Variants in CCDC25 observed in about 807,000 individuals in gnomAD.
CCDC25 encodes the protein coiled-coil domain-containing protein 25.
Under a neutral mutation model 35.3 loss-of-function variants are expected in CCDC25, and 16 were observed. That is an observed-to-expected ratio of 0.45 (90% CI 0.31 to 0.69). The LOEUF is 0.69. CCDC25 is among the 30% of genes least tolerant of loss of function. The pLI, the probability that CCDC25 is intolerant of heterozygous loss-of-function variation, is 0.06. For synonymous variants in CCDC25, 79 were observed against 80.3 expected (o/e 0.98, Z 0.09); for missense variants, 179 against 250.7 (o/e 0.71, Z 1.93).
intron 1 of CCDC25, among the ~76,000 whole-genome samples, chr8:27,770,369 G>A (rs1358183656): frequency 2.6e-5 from 4 of 152,198 alleles, no homozygotes; most frequent in African/African-American, 7.2e-5. Flanking sequence ...GGAGGTTGCA[G>A]TAAGCTGAGA....
intron 7 of CCDC25, among the ~76,000 whole-genome samples, chr8:27,745,546 A>G (rs60157355): frequency 3.3e-5 from 5 of 152,258 alleles, no homozygotes; most frequent in African/African-American, 4.8e-5. Context: ...AGATTTCTAT[A>G]TCTTGGGTGG....
At chr8:27,771,395 T>C (rs900884265) in intron 1 of CCDC25, among the ~76,000 whole-genome samples, 1 of 152,174 alleles carries the variant, frequency 6.6e-6, no homozygotes, top group Admixed American at 6.5e-5. Flanking sequence ...GTATTCCCTA[T>C]ATATGTATAC....
rs541832833 is a variant in CCDC25 at position 27,759,220 on chromosome 8, G to A, written c.117-2450C>T. Among the ~76,000 whole-genome samples the A allele has an allele frequency of 4.0e-4, 61 of 152,318 alleles. No homozygotes were observed. The South Asian group carries it at 0.012, about 29-fold the overall frequency. ...AGATTCAGGGCCCTGGAGCTGGGCT[G>A]TCCAACGACTTAAAGCAGAGTCTGT... On this transcript the variant is annotated intron_variant, in intron 3 of 8. Coordinates refer to ENST00000356537, the MANE Select transcript of CCDC25 (RefSeq NM_018246.3).
At chr8:27,745,941 A>G (rs181231553) in intron 7 of CCDC25, among the ~76,000 whole-genome samples, 1 of 152,358 alleles carries the variant, frequency 6.6e-6, no homozygotes, top group Non-Finnish European at 1.5e-5. Flanking sequence ...CTTATTCAAT[A>G]AGATTGAGTT....
chr8:27,765,910 T>G (rs980256186), intron 1 of CCDC25, among the ~76,000 whole-genome samples: 12 of 152,198 alleles, frequency 7.9e-5, no homozygotes, highest in African/African-American at 2.9e-4. Flanking sequence ...GCATCTGTGT[T>G]TTCTAAAAGC....
chr8:27,746,518 T>G (rs1486219597), intron 7 of CCDC25, among the ~76,000 whole-genome samples: 4 of 152,164 alleles, frequency 2.6e-5, no homozygotes, highest in African/African-American at 7.2e-5. Flanking sequence ...TTATGTTCGA[T>G]CCGTAAAGGG....
rs1803105828 is a variant in CCDC25 at position 27,733,462 on chromosome 8, C to A, written c.*2754G>T. The A allele has an allele frequency of 6.6e-6, 1 of 152,274 alleles. No individual in the cohort carries two copies. Among genetic ancestry groups the A allele is most frequent in the African/African-American group, 2.4e-5 (1 of 41,460 alleles). The allele number at this position is 152,274 out of a possible 1,614,324, so 9.4% of individuals were successfully genotyped here. ...CCACGCTGAACTCACACGTGCCCGG[C>A]AGGAAGGAGCTCTCACGAAGTGCCA... On this transcript the variant is annotated 3_prime_UTR_variant, in exon 9 of 9. Transcript: ENST00000356537.
At chr8:27,769,482 T>C (rs920404212) in intron 1 of CCDC25, among the ~76,000 whole-genome samples, 3 of 152,228 alleles carry the variant, frequency 2.0e-5, no homozygotes, top group African/African-American at 4.8e-5. Context: ...GTTGGGTTTA[T>C]ATGGATATCT....
At position 27,763,004 on chromosome 8, in the gene CCDC25, A is replaced by G. The variant is rs190470067; in HGVS notation, c.77-546T>C. Among the ~76,000 whole-genome samples, 3 of 152,324 alleles carry G rather than the reference A, an allele frequency of 2.0e-5. No homozygotes were observed. In the East Asian group the frequency reaches 5.8e-4, roughly 29 times the overall value. On this transcript the variant is annotated intron_variant, in intron 2 of 8. Coordinates refer to ENST00000356537, the MANE Select transcript of CCDC25 (RefSeq NM_018246.3). ...GTGAAAAGTAATTGTCTGGGGAGGT[A>G]GCAGGTGGGGTGGAACATGGGTATT...
intron 7 of CCDC25, among the ~76,000 whole-genome samples, chr8:27,747,193 A>G (rs981681506): frequency 3.9e-5 from 6 of 152,218 alleles, no homozygotes; most frequent in African/African-American, 1.4e-4. Context: ...GGCAAAGTAG[A>G]CTTTGCAGAT....
At chr8:27,742,386 T>C (rs1308931584) in intron 7 of CCDC25, among the ~76,000 whole-genome samples, 1 of 152,194 alleles carries the variant, frequency 6.6e-6, no homozygotes, top group Non-Finnish European at 1.5e-5. Flanking sequence ...ACAGGTTGCA[T>C]GAGCAGGAGG....
intron 8 of CCDC25, 84 bp from the exon 9 acceptor site, chr8:27,736,329 T>G: frequency 2.2e-3 from 1,896 of 861,226 alleles, no homozygotes; most frequent in Non-Finnish European, 3.1e-3. Flanking sequence ...ATTAGCGAGC[T>G]GCCTTCTCAT....
chr8:27,770,175 T>G (rs1228371296), intron 1 of CCDC25, among the ~76,000 whole-genome samples: 1 of 151,932 alleles, frequency 6.6e-6, no homozygotes, highest in East Asian at 1.9e-4. Flanking sequence ...AAACAAAAAC[T>G]CACCTTTTGT....
intron 3 of CCDC25, among the ~76,000 whole-genome samples, chr8:27,757,632 A>G (rs551098148): frequency 6.6e-6 from 1 of 152,276 alleles, no homozygotes; most frequent in South Asian, 2.1e-4. Flanking sequence ...AATTCACCCA[A>G]TGAACTTGAC....
chr8:27,758,765 T>C (rs970863313), intron 3 of CCDC25, among the ~76,000 whole-genome samples: 2 of 152,204 alleles, frequency 1.3e-5, no homozygotes, highest in African/African-American at 4.8e-5. Flanking sequence ...CTGATTTTTC[T>C]TAAAGGTCTC....
chr8:27,766,026 G>A (rs1202003478), intron 1 of CCDC25, among the ~76,000 whole-genome samples: 2 of 152,208 alleles, frequency 1.3e-5, no homozygotes, highest in Non-Finnish European at 2.9e-5. Context: ...GCTTTACCAA[G>A]GTGGTGTTTT....
At chr8:27,745,323 T>C (rs1803568156) in intron 7 of CCDC25, among the ~76,000 whole-genome samples, 1 of 152,174 alleles carries the variant, frequency 6.6e-6, no homozygotes, top group Non-Finnish European at 1.5e-5. Flanking sequence ...TATCCCTCTC[T>C]CAGGTAGTCA....
chr8:27,758,405 A>T (rs1804092191), intron 3 of CCDC25, among the ~76,000 whole-genome samples: 1 of 152,238 alleles, frequency 6.6e-6, no homozygotes, highest in South Asian at 2.1e-4. Flanking sequence ...CACACAGTTT[A>T]TGATGACTCG....
chr8:27,744,195 C>G (rs1803530314), intron 7 of CCDC25, among the ~76,000 whole-genome samples: 1 of 152,068 alleles, frequency 6.6e-6, no homozygotes, highest in Admixed American at 6.5e-5. Flanking sequence ...TAGCATGCAG[C>G]TTAATATGAA....
Sources: gnomAD v4.1 joint callset for allele counts (sites outside exome capture counted in the v4.1 genomes callset) on GRCh38, gnomAD v4.1.1 for gene constraint, MANE v1.5 for transcripts, NCBI Gene and HGNC (gene_info 2026-07-23, HGNC 2026-07-21) for gene names.